Variants in MYRIP observed in about 807,000 individuals in gnomAD.
The protein encoded by MYRIP is rab effector MyRIP.
Under a neutral mutation model 98.0 loss-of-function variants are expected in MYRIP, and 49 were observed. That is an observed-to-expected ratio of 0.50 (90% CI 0.40 to 0.63). The LOEUF is 0.63. Ranked by LOEUF, MYRIP falls within the 30% of genes least tolerant of loss-of-function variation. MYRIP has a pLI of 0.00. For synonymous variants in MYRIP, 404 were observed against 409.5 expected (o/e 0.99, Z 0.16); for missense variants, 1,004 against 1,058.2 (o/e 0.95, Z 0.71).
At chr3:39,965,479 A>T (rs1419499080) in intron 2 of MYRIP, among the ~76,000 whole-genome samples, 1 of 152,138 alleles carries the variant, frequency 6.6e-6, no homozygotes, top group African/African-American at 2.4e-5. Flanking sequence ...TTAAGAATAT[A>T]TTTAAAATCT....
At chr3:39,873,082 T>C (rs889764797) in intron 1 of MYRIP, among the ~76,000 whole-genome samples, 1 of 152,254 alleles carries the variant, frequency 6.6e-6, no homozygotes, top group Non-Finnish European at 1.5e-5. Flanking sequence ...ATTTCTCTGA[T>C]GGCCAGTGAT....
intron 11 of MYRIP, among the ~76,000 whole-genome samples, chr3:40,224,507 G>T (rs1952435521): frequency 6.6e-6 from 1 of 152,006 alleles, no homozygotes; most frequent in Non-Finnish European, 1.5e-5. Flanking sequence ...AGTAGGTTTG[G>T]TCAAAGGTGA....
At chr3:40,249,865 C>A (rs1953319637) in intron 13 of MYRIP, among the ~76,000 whole-genome samples, 1 of 152,158 alleles carries the variant, frequency 6.6e-6, no homozygotes, top group Non-Finnish European at 1.5e-5. Context: ...TATAACAGGA[C>A]ATATAAATCC....
intron 1 of MYRIP, among the ~76,000 whole-genome samples, chr3:39,881,607 A>G (rs1943156351): frequency 6.6e-6 from 1 of 152,276 alleles, no homozygotes; most frequent in Middle Eastern, 3.4e-3. Flanking sequence ...TTTTAGTGTG[A>G]CATTACACTG....
intron 2 of MYRIP, among the ~76,000 whole-genome samples, chr3:39,917,551 C>T (rs1575377137): frequency 1.3e-5 from 2 of 151,506 alleles, no homozygotes; most frequent in Middle Eastern, 3.4e-3. Flanking sequence ...AGTCACATAA[C>T]ATGTAGTTGC....
At chr3:39,978,260 G>A (rs1348746733) in intron 2 of MYRIP, among the ~76,000 whole-genome samples, 1 of 152,198 alleles carries the variant, frequency 6.6e-6, no homozygotes, top group Non-Finnish European at 1.5e-5. Context: ...GCTGTATTTT[G>A]TGCATTGATA....
intron 3 of MYRIP, among the ~76,000 whole-genome samples, chr3:40,072,302 G>T (rs1423156280): frequency 6.6e-6 from 1 of 152,000 alleles, no homozygotes; most frequent in Non-Finnish European, 1.5e-5. Context: ...TCTACCTCCC[G>T]AGTTCAAGCA....
At chr3:40,159,788 G>A (rs987236817) in intron 4 of MYRIP, among the ~76,000 whole-genome samples, 72 of 151,994 alleles carry the variant, frequency 4.7e-4, no homozygotes, top group African/African-American at 1.6e-3. Flanking sequence ...TGATCGCATC[G>A]GCTCCTGAGG....
intron 3 of MYRIP, among the ~76,000 whole-genome samples, chr3:40,090,672 T>C (rs1948722665): frequency 6.6e-6 from 1 of 152,254 alleles, no homozygotes; most frequent in Non-Finnish European, 1.5e-5. Context: ...GCTTATGCGT[T>C]TCTCTGTCCA....
chr3:39,978,309 C>T (rs1945804824), intron 2 of MYRIP, among the ~76,000 whole-genome samples: 2 of 152,134 alleles, frequency 1.3e-5, no homozygotes, highest in Admixed American at 6.6e-5. Context: ...TTTATTTTGC[C>T]TGGATAAGGT....
Position 40,173,028 on chromosome 3 carries a change from A to C in MYRIP, c.873+2935A>C, listed in dbSNP as rs1950652685. ...GTTCTGCACAGTAACTAAAATTCTC[A>C]TGTAAATCCCGTGAACAGAGAGGTA... On this transcript the variant is annotated intron_variant, in intron 8 of 16. Coordinates refer to ENST00000302541, the MANE Select transcript of MYRIP (RefSeq NM_015460.4). The C allele has an allele frequency of 2.6e-5, 4 of 152,298 alleles. No individual in the cohort carries two copies. In the South Asian group the frequency reaches 8.3e-4, roughly 32 times the overall value. The allele number at this position is 152,298 out of a possible 1,614,324, so 9.4% of individuals were successfully genotyped here. A position where few individuals can be genotyped will look rare whatever the true frequency, so the allele number is the denominator to read the frequency against.
chr3:40,218,655 T>TACATATATATATATATACAC (rs1559460721), intron 11 of MYRIP, among the ~76,000 whole-genome samples: 15 of 131,374 alleles, frequency 1.1e-4, no homozygotes, highest in African/African-American at 4.1e-4. Flanking sequence ...TATATATATA[T>TACATATATATATATATACAC]ACATACACAC....
At chr3:39,990,984 C>T (rs1946159807) in intron 2 of MYRIP, among the ~76,000 whole-genome samples, 1 of 152,110 alleles carries the variant, frequency 6.6e-6, no homozygotes, top group South Asian at 2.1e-4. Flanking sequence ...GAACATCACA[C>T]ACTGGGGCCT....
chr3:40,211,919 A>G (rs899265613), intron 11 of MYRIP, among the ~76,000 whole-genome samples: 1 of 151,890 alleles, frequency 6.6e-6, no homozygotes, highest in Non-Finnish European at 1.5e-5. Flanking sequence ...AAGCGCCCCC[A>G]TCCTGCCCCT....
At chr3:40,133,723 T>C (rs948086316) in intron 3 of MYRIP, among the ~76,000 whole-genome samples, 4 of 152,190 alleles carry the variant, frequency 2.6e-5, no homozygotes, top group African/African-American at 4.8e-5. Flanking sequence ...GGCAACAGAC[T>C]CTGTCTCCAA....
chr3:40,136,547 A>G (rs1301619646), intron 3 of MYRIP, among the ~76,000 whole-genome samples: 1 of 152,144 alleles, frequency 6.6e-6, no homozygotes, highest in Admixed American at 6.6e-5. Context: ...ATAGACATCT[A>G]CAGAACTCTC....
At chr3:40,123,954 G>A (rs1053204827) in intron 3 of MYRIP, among the ~76,000 whole-genome samples, 1 of 152,168 alleles carries the variant, frequency 6.6e-6, no homozygotes, top group African/African-American at 2.4e-5. Context: ...GAACTGGGTT[G>A]GTGCAAGGCC....
At chr3:39,950,694 G>T (rs1268030462) in intron 2 of MYRIP, among the ~76,000 whole-genome samples, 1 of 152,190 alleles carries the variant, frequency 6.6e-6, no homozygotes, top group East Asian at 1.9e-4. Flanking sequence ...ATGAGTAGAA[G>T]CTGCTGTTGA....
intron 11 of MYRIP, among the ~76,000 whole-genome samples, chr3:40,217,100 T>C (rs1032417051): frequency 3.7e-4 from 57 of 152,154 alleles, no homozygotes; most frequent in African/African-American, 1.4e-3. Context: ...ACAGAAGAAA[T>C]TGGCAAAGTA....
Sources: allele counts gnomAD v4.1 joint callset (sites outside exome capture counted in the v4.1 genomes callset), GRCh38; gene constraint gnomAD v4.1.1; transcripts MANE v1.5; gene names NCBI Gene and HGNC (gene_info 2026-07-23, HGNC 2026-07-21).